Variants in TENM4 observed in about 807,000 individuals in gnomAD.
The protein encoded by TENM4 is teneurin transmembrane protein 4.
Under a neutral mutation model 243.3 loss-of-function variants are expected in TENM4, and 82 were observed. That is an observed-to-expected ratio of 0.34 (90% CI 0.28 to 0.40). The LOEUF is 0.40. Among genes scored for constraint, TENM4 ranks in the 10% least tolerant of loss-of-function variants. The pLI is 1.00. For missense variants in TENM4, 3,138 were observed against 3,673.3 expected, an observed-to-expected ratio of 0.85 and a Z score of 3.77; for synonymous variants, 1,412 against 1,456.3, an observed-to-expected ratio of 0.97 and a Z score of 0.69.
chr11:79,111,599 T>A (rs530203403), intron 4 of TENM4, among the ~76,000 whole-genome samples: 17 of 152,254 alleles, frequency 1.1e-4, no homozygotes, highest in African/African-American at 3.9e-4. Flanking sequence ...CCTCTTTTTC[T>A]TTATAAATTA....
At chr11:78,741,998 C>G (rs1855941901) in intron 19 of TENM4, among the ~76,000 whole-genome samples, 1 of 152,152 alleles carries the variant, frequency 6.6e-6, no homozygotes, top group African/African-American at 2.4e-5. Flanking sequence ...TCCTTAGAGT[C>G]TCATCTAAGC....
At chr11:79,221,603 C>A (rs1268870323) in intron 2 of TENM4, among the ~76,000 whole-genome samples, 1 of 151,916 alleles carries the variant, frequency 6.6e-6, no homozygotes, top group Non-Finnish European at 1.5e-5. Flanking sequence ...AGTGGAAATC[C>A]CTGTGCGTGC....
At chr11:78,670,680 G>T in intron 31 of TENM4, 129 bp from the exon 32 acceptor site, 3 of 940,414 alleles carry the variant, frequency 3.2e-6, no homozygotes, top group Non-Finnish European at 4.7e-6. Context: ...GTTCTCTTGA[G>T]TTATGCTCCA....
intron 6 of TENM4, among the ~76,000 whole-genome samples, chr11:78,963,803 C>T (rs1857381164): frequency 6.7e-6 from 1 of 150,064 alleles, no homozygotes; most frequent in Non-Finnish European, 1.5e-5. Context: ...ACAATCTTGG[C>T]TCACTGCAAC....
chr11:79,327,649 C>CTT (rs11408549), intron 1 of TENM4, among the ~76,000 whole-genome samples: 11,136 of 119,732 alleles, frequency 0.093, 710 homozygotes, highest in African/African-American at 0.15. Flanking sequence ...AATTGGAAAG[C>CTT]TTTTTTTTTT....
At chr11:79,329,491 T>C (rs1000595705) in intron 1 of TENM4, among the ~76,000 whole-genome samples, 1 of 152,172 alleles carries the variant, frequency 6.6e-6, no homozygotes, top group Non-Finnish European at 1.5e-5. Context: ...TGAGGAGCTA[T>C]GATAGAAAGT....
rs193196790 is a variant in TENM4, at chr11:78,795,379, C to G, written c.2180-8296G>C. Among the ~76,000 whole-genome samples, 665 of 152,220 alleles carry G rather than the reference C, an allele frequency of 4.4e-3. 3 individuals carry two copies. Among genetic ancestry groups the G allele is most frequent in the Non-Finnish European group, 6.6e-3 (452 of 68,022 alleles). ...AGGACAGAGTGCTCACGTAACTGTT[C>G]AAGATTCTGTGATTTTTCAGAGAAG... On this transcript the variant is annotated intron_variant, in intron 15 of 33. Coordinates refer to ENST00000278550, the MANE Select transcript of TENM4 (RefSeq NM_001098816.3).
intron 4 of TENM4, among the ~76,000 whole-genome samples, chr11:79,118,983 T>C (rs1023427706): frequency 1.3e-5 from 2 of 152,212 alleles, no homozygotes; most frequent in African/African-American, 2.4e-5. Flanking sequence ...ATTGCCATAC[T>C]GTTTTTCACT....
chr11:79,097,510 A>G (rs375060469), intron 4 of TENM4: 23 of 152,274 alleles, frequency 1.5e-4, no homozygotes, highest in African/African-American at 5.3e-4. Context: ...TGCTTCCTCC[A>G]GCACGCACAT....
At chr11:79,033,455 A>G (rs1176576564) in intron 6 of TENM4, among the ~76,000 whole-genome samples, 1 of 152,226 alleles carries the variant, frequency 6.6e-6, no homozygotes, top group East Asian at 1.9e-4. Flanking sequence ...TTACACTCAC[A>G]GGGTTAGTCC....
At chr11:78,886,555 T>C (rs1455486854) in intron 9 of TENM4, among the ~76,000 whole-genome samples, 1 of 152,220 alleles carries the variant, frequency 6.6e-6, no homozygotes, top group Non-Finnish European at 1.5e-5. Flanking sequence ...TTCTGAGGTA[T>C]GGGTTGTGCC....
rs1425251507 is a variant in TENM4 at position 78,722,899 on chromosome 11, T to C, written c.3569A>G (p.Asn1190Ser). 1.2e-6 allele frequency: 2 copies of C among 1,613,998 alleles called. No homozygotes were observed. The highest frequency in any genetic ancestry group is 8.5e-7 in the Non-Finnish European group (1 of 1,179,856). Reference protein sequence around the residue: ...NIQSGILHKGNGENQFVSQQP... With the variant: ...NIQSGILHKGSGENQFVSQQP... ...CTGAGACACAAACTGGTTCTCCCCATTCCCTTTGTGCAGGATGCCTGGGAC... is the reference window on the plus strand; with the variant it reads ...CTGAGACACAAACTGGTTCTCCCCACTCCCTTTGTGCAGGATGCCTGGGAC... The change falls in exon 24 of 34, where the codon AAT (asparagine) becomes AGT (serine). Residue 1190 changes from asparagine to serine, a missense_variant. Physicochemically the swap from Asn to Ser is conservative, Grantham distance 46. Around this residue, in one of 2 missense-constraint regions of TENM4, gnomAD observed 2,467 missense variants for 3,059.1 expected, o/e 0.81. Transcript: ENST00000278550.
At chr11:78,689,970 G>C (rs1858778950) in intron 28 of TENM4, among the ~76,000 whole-genome samples, 1 of 152,174 alleles carries the variant, frequency 6.6e-6, no homozygotes, top group South Asian at 2.1e-4. Flanking sequence ...GCAGTGCTGT[G>C]GCCTCGAATA....
At chr11:78,958,446 ATCTT>A in intron 6 of TENM4, among the ~76,000 whole-genome samples, 1 of 152,314 alleles carries the variant, frequency 6.6e-6, no homozygotes, top group East Asian at 1.9e-4. Context: ...TTTTAGTGAA[ATCTT>A]TCTTTATATA....
intron 12 of TENM4, among the ~76,000 whole-genome samples, chr11:78,847,596 G>A (rs531307518): frequency 1.3e-5 from 2 of 152,334 alleles, no homozygotes; most frequent in African/African-American, 2.4e-5. Flanking sequence ...ATAAATCACT[G>A]TATCAGGGAG....
intron 6 of TENM4, among the ~76,000 whole-genome samples, chr11:78,995,529 A>G (rs1858151690): frequency 6.6e-6 from 1 of 152,228 alleles, no homozygotes. Flanking sequence ...TTTCTAAAAA[A>G]ATAGTATAAG....
chr11:79,164,087 CTATGTATAT>C (rs1268332158), intron 3 of TENM4, among the ~76,000 whole-genome samples: 2 of 106,958 alleles, frequency 1.9e-5, no homozygotes, highest in African/African-American at 7.8e-5. Context: ...ACTATATATA[CTATGTATAT>C]ATAGTATATA....
intron 1 of TENM4, among the ~76,000 whole-genome samples, chr11:79,311,072 C>T (rs570366569): frequency 6.6e-6 from 1 of 152,262 alleles, no homozygotes; most frequent in South Asian, 2.1e-4. Context: ...CAAATAGCAG[C>T]AAGATGGGAC....
intron 30 of TENM4, among the ~76,000 whole-genome samples, chr11:78,674,386 A>C (rs538803152): frequency 7.9e-5 from 12 of 152,258 alleles, no homozygotes; most frequent in Admixed American, 7.2e-4. Context: ...TCCCAATCTC[A>C]GGTTGGGAGA....
Sources: allele counts gnomAD v4.1 joint callset (sites outside exome capture counted in the v4.1 genomes callset), GRCh38; gene constraint gnomAD v4.1.1; regional missense constraint gnomAD v4.1.1; transcripts MANE v1.5; gene names NCBI Gene and HGNC (gene_info 2026-07-23, HGNC 2026-07-21).